SDK1: variants seen among roughly 807,000 people sequenced by gnomAD.
SDK1 encodes the protein protein sidekick-1.
A neutral mutation model predicts 245.5 loss-of-function variants in SDK1; 157 were observed. The ratio of observed to expected loss-of-function variants is 0.64; its 90% confidence interval spans 0.56 to 0.73. The LOEUF is 0.73. Ranked by LOEUF, SDK1 falls within the 30% of genes least tolerant of loss-of-function variation. The pLI is 0.00. For synonymous variants in SDK1, 1,647 were observed against 1,278.5 expected (o/e 1.29, Z -6.15); for missense variants, 3,583 against 3,002.3 (o/e 1.19, Z -4.52).
intron 4 of SDK1, among the ~76,000 whole-genome samples, chr7:3,741,850 G>C (rs1037827127): frequency 6.6e-6 from 1 of 151,962 alleles, no homozygotes; most frequent in East Asian, 1.9e-4. Flanking sequence ...GTGTATATAC[G>C]TGTGTGTGGA....
chr7:3,367,027 A>G (rs1051143468), intron 1 of SDK1, among the ~76,000 whole-genome samples: 1 of 152,172 alleles, frequency 6.6e-6, no homozygotes, highest in Non-Finnish European at 1.5e-5. Context: ...GGCGTGAGCT[A>G]CCGCGCCCGG....
chr7:3,470,281 T>C (rs1263826356), intron 1 of SDK1, among the ~76,000 whole-genome samples: 1 of 152,186 alleles, frequency 6.6e-6, no homozygotes, highest in African/African-American at 2.4e-5. Flanking sequence ...TCATACTATT[T>C]ACTAGGAGCA....
intron 1 of SDK1, among the ~76,000 whole-genome samples, chr7:3,454,423 T>TGTGCGC (rs1554273965): frequency 1.3e-4 from 19 of 150,034 alleles, no homozygotes; most frequent in South Asian, 2.1e-4. Context: ...TGTGTGTGTG[T>TGTGCGC]GCTGTGTACA....
intron 40 of SDK1, among the ~76,000 whole-genome samples, chr7:4,226,566 C>G (rs1785460993): frequency 6.6e-6 from 1 of 152,334 alleles, no homozygotes; most frequent in African/African-American, 2.4e-5. Flanking sequence ...TAGCACCAGG[C>G]TAGAACACAG....
rs1194322286 is a variant in SDK1 at position 3,655,448 on chromosome 7, AATATATAT to A, written c.713+13392_713+13399del. On this transcript the variant is annotated intron_variant, in intron 4 of 44. Transcript: ENST00000404826. The stretch of plus-strand genomic sequence containing the variant: ...AACTGTCTAAAAACAAAACAAAACA[AATATATAT>A]ATATATATATATATATATATATATA... 5.2e-3 allele frequency among the ~76,000 whole-genome samples: 345 copies of A among 66,234 alleles called. 1 individual carries two copies. The highest frequency in any genetic ancestry group is 0.019 in the Middle Eastern group (2 of 108). 43.5% of individuals were successfully genotyped at this position (66,234 alleles called of 152,430 possible).
At chr7:3,630,526 G>T (rs533755217) in intron 2 of SDK1, among the ~76,000 whole-genome samples, 2 of 152,212 alleles carry the variant, frequency 1.3e-5, no homozygotes, top group Admixed American at 1.3e-4. Flanking sequence ...ATCCCAGTTA[G>T]TTGGGAGGTT....
intron 1 of SDK1, among the ~76,000 whole-genome samples, chr7:3,374,382 A>G (rs981180834): frequency 2.6e-5 from 4 of 152,094 alleles, no homozygotes; most frequent in East Asian, 1.9e-4. Context: ...ATTTTTTTCT[A>G]CAATTGATTT....
chr7:3,438,161 G>C (rs1395577225), intron 1 of SDK1, among the ~76,000 whole-genome samples: 1 of 152,102 alleles, frequency 6.6e-6, no homozygotes, highest in Non-Finnish European at 1.5e-5. Flanking sequence ...GCATTGCATG[G>C]TCTTTTTGTT....
intron 1 of SDK1, among the ~76,000 whole-genome samples, chr7:3,572,954 G>C (rs1780163337): frequency 6.6e-6 from 1 of 151,946 alleles, no homozygotes; most frequent in East Asian, 1.9e-4. Flanking sequence ...GGTGGAGAGA[G>C]AGGTGGACAG....
chr7:3,326,748 TTAAG>T (rs1374590665), intron 1 of SDK1, among the ~76,000 whole-genome samples: 36 of 152,274 alleles, frequency 2.4e-4, no homozygotes, highest in Admixed American at 2.2e-3. Context: ...ATCACTCAGT[TTAAG>T]TAATTTCAAC....
chr7:3,845,971 T>C (rs1041090234), intron 5 of SDK1, among the ~76,000 whole-genome samples: 2 of 152,222 alleles, frequency 1.3e-5, no homozygotes, highest in African/African-American at 4.8e-5. Flanking sequence ...TTAATAATTT[T>C]AGACCGTATT....
At chr7:3,540,176 G>A (rs1041435685) in intron 1 of SDK1, among the ~76,000 whole-genome samples, 3 of 152,194 alleles carry the variant, frequency 2.0e-5, no homozygotes, top group South Asian at 4.1e-4. Context: ...GAAGACCAAG[G>A]CAGGTGGATC....
intron 4 of SDK1, among the ~76,000 whole-genome samples, chr7:3,728,764 C>G (rs538841237): frequency 6.6e-6 from 1 of 152,188 alleles, no homozygotes; most frequent in Non-Finnish European, 1.5e-5. Flanking sequence ...TGCCACCATG[C>G]CTGGCTAATT....
chr7:3,336,461 A>G (rs561934874), intron 1 of SDK1, among the ~76,000 whole-genome samples: 1 of 152,226 alleles, frequency 6.6e-6, no homozygotes, highest in South Asian at 2.1e-4. Flanking sequence ...ACCAGCCACA[A>G]TGAGGTGGTG....
chr7:3,356,689 A>G (rs983131376), intron 1 of SDK1, among the ~76,000 whole-genome samples: 1 of 152,082 alleles, frequency 6.6e-6, no homozygotes, highest in Non-Finnish European at 1.5e-5. Context: ...TGCAAACCCA[A>G]TTTTATTCTG....
At chr7:3,409,779 G>A (rs1779150029) in intron 1 of SDK1, among the ~76,000 whole-genome samples, 1 of 152,168 alleles carries the variant, frequency 6.6e-6, no homozygotes, top group Admixed American at 6.5e-5. Context: ...GTGGTGGGGT[G>A]GAGGGGATTG....
intron 5 of SDK1, among the ~76,000 whole-genome samples, chr7:3,860,318 T>A (rs1780660146): frequency 1.3e-5 from 2 of 152,024 alleles, no homozygotes; most frequent in South Asian, 2.1e-4. Flanking sequence ...TTAGAGGTAA[T>A]CACTCGAAAA....
chr7:3,697,654 C>A (rs1457326855), intron 4 of SDK1, among the ~76,000 whole-genome samples: 1 of 152,140 alleles, frequency 6.6e-6, no homozygotes, highest in Admixed American at 6.5e-5. Context: ...GCAAAAAGTA[C>A]TTGGTTTTAC....
At chr7:3,982,733 G>A (rs572974919) in intron 13 of SDK1, among the ~76,000 whole-genome samples, 5 of 152,172 alleles carry the variant, frequency 3.3e-5, no homozygotes, top group East Asian at 1.9e-4. Flanking sequence ...CCAGCTACTC[G>A]GGGGGCTGAG....
Sources: gnomAD v4.1 joint callset for allele counts (sites outside exome capture counted in the v4.1 genomes callset) on GRCh38, gnomAD v4.1.1 for gene constraint, MANE v1.5 for transcripts, NCBI Gene and HGNC (gene_info 2026-07-23, HGNC 2026-07-21) for gene names.